Variants in GINS1 observed in about 807,000 individuals in gnomAD.
The protein encoded by GINS1 is GINS complex subunit 1.
GINS1 carries 26 observed loss-of-function variants against 34.9 expected under a neutral mutation model. That is an observed-to-expected ratio of 0.74 (90% CI 0.55 to 1.03). The LOEUF is 1.03. Ranked by LOEUF, GINS1 falls within the 50% of genes least tolerant of loss-of-function variation. The pLI is 0.00. For missense variants in GINS1, 235 were observed against 237.9 expected (o/e 0.99, Z 0.08); for synonymous variants, 97 against 84.4 (o/e 1.15, Z -0.82).
intron 5 of GINS1, among the ~76,000 whole-genome samples, chr20:25,434,188 G>A (rs1256750999): frequency 6.6e-6 from 1 of 152,028 alleles, no homozygotes; most frequent in East Asian, 1.9e-4. Context: ...GGAGGCTGAG[G>A]CAGGAGAATC....
intron 1 of GINS1, among the ~76,000 whole-genome samples, chr20:25,413,056 A>ATTTTTTTTTTTTTTTTTTTTTT (rs753937496): frequency 2.2e-5 from 3 of 135,956 alleles, no homozygotes; most frequent in African/African-American, 2.7e-5. Flanking sequence ...TCAGTAGTTC[A>ATTTTTTTTTTTTTTTTTTTTTT]TTTTTTTTTT....
At position 25,407,711 on chromosome 20, in the gene GINS1, G is replaced by T. The variant is rs573780748; in HGVS notation, c.-110G>T. On this transcript the variant is annotated 5_prime_UTR_variant, in exon 1 of 7. Coordinates refer to ENST00000262460, the MANE Select transcript of GINS1 (RefSeq NM_021067.5). ...GCGCGGAGCGGAGGCCGAGGCGAGA[G>T]CCTGGCGCTGTAGGACTAGAACGAA... 1.1e-4 allele frequency: 93 copies of T among 850,512 alleles called. No individual in the cohort carries two copies. The highest frequency in any genetic ancestry group is 1.2e-4 in the South Asian group (8 of 67,646). 52.7% of individuals were successfully genotyped at this position (850,512 alleles called of 1,614,324 possible).
chr20:25,413,152 G>C (rs911895769), intron 1 of GINS1, among the ~76,000 whole-genome samples: 11 of 151,666 alleles, frequency 7.3e-5, no homozygotes, highest in African/African-American at 2.7e-4. Flanking sequence ...CCGGGTTCAA[G>C]CGATTTCCCC....
intron 1 of GINS1, among the ~76,000 whole-genome samples, chr20:25,412,558 A>C (rs999255436): frequency 6.6e-6 from 1 of 152,224 alleles, no homozygotes; most frequent in Admixed American, 6.5e-5. Flanking sequence ...CCATCTAAAA[A>C]AAAAGACCAT....
chr20:25,425,344 A>G lies in GINS1; in HGVS notation c.447+17A>G. 9.9e-7 allele frequency: 1 copy of G among 1,012,294 alleles called. No homozygotes were observed. The highest frequency in any genetic ancestry group is 1.5e-6 in the Non-Finnish European group (1 of 646,898). 62.7% of individuals were successfully genotyped at this position (1,012,294 alleles called of 1,614,324 possible). A position where few individuals can be genotyped will look rare whatever the true frequency, so the allele number is the denominator to read the frequency against. On this transcript the variant is annotated intron_variant, in intron 5 of 6. Transcript: ENST00000262460. ...TATATTGAAGTATGTATATCTTTTT[A>G]AAATGCATTTTTCTTTAATGTGTAA...
In GINS1 at chr20:25,446,599, T is replaced by A. The variant is rs1285206321; in HGVS notation, c.*608T>A. On this transcript the variant is annotated 3_prime_UTR_variant, in exon 7 of 7. Coordinates refer to ENST00000262460, the MANE Select transcript of GINS1 (RefSeq NM_021067.5). ...GGTCTGTAGAAATTTTCAGTATATA[T>A]AATGTTTAATGACATACTAATTTAT... 1 of 152,224 alleles carries A rather than the reference T, an allele frequency of 6.6e-6. No homozygotes were observed. Among genetic ancestry groups the A allele is most frequent in the Non-Finnish European group, 1.5e-5 (1 of 68,054 alleles). 9.4% of individuals were successfully genotyped at this position (152,224 alleles called of 1,614,324 possible).
chr20:25,409,105 GCA>G, intron 1 of GINS1: 3 of 869,636 alleles, frequency 3.4e-6, no homozygotes, highest in Non-Finnish European at 4.1e-6. Context: ...GGATGCTGCA[GCA>G]CAAAGTCACG....
chr20:25,433,054 T>G (rs904977757), intron 5 of GINS1, among the ~76,000 whole-genome samples: 2 of 152,066 alleles, frequency 1.3e-5, no homozygotes, highest in East Asian at 3.8e-4. Context: ...CTATTAATGT[T>G]TGTGTCTTTG....
At position 25,447,675 on chromosome 20, in the gene GINS1, G is replaced by A. The variant is rs6037121; in HGVS notation, c.*1684G>A. On this transcript the variant is annotated 3_prime_UTR_variant, in exon 7 of 7. Transcript: ENST00000262460. ...TTTTTTGTAGAGATGGGGTTTCACC[G>A]TGTTGGCCAGGCTGTGTTGAACTCC... The A allele has an allele frequency of 0.46, 69,918 of 152,000 alleles. 16,648 individuals carry two copies. Among genetic ancestry groups the A allele is most frequent in the East Asian group, 0.92 (4,756 of 5,182 alleles). 9.4% of individuals were successfully genotyped at this position (152,000 alleles called of 1,614,324 possible). A position where few individuals can be genotyped will look rare whatever the true frequency, so the allele number is the denominator to read the frequency against.
rs762742046 is a variant in GINS1 at position 25,418,132 on chromosome 20, A to G, written c.267A>G (p.Ala89=). 1.9e-6 allele frequency: 3 copies of G among 1,603,246 alleles called. No homozygotes were observed. Among genetic ancestry groups the G allele is most frequent in the Admixed American group, 1.7e-5 (1 of 60,004 alleles). Residue 89 remains alanine, a synonymous_variant, in exon 4 of 7, where the codon GCA becomes GCG. Coordinates refer to ENST00000262460, the MANE Select transcript of GINS1 (RefSeq NM_021067.5). The part of the protein sequence containing the change: ...YLYDRLLRIR[A]LRWEYGSVLP... The stretch of plus-strand genomic sequence containing the variant: ...ATGACCGCTTGCTTCGGATCAGAGC[A>G]CTCAGATGGGAATATGGTAGCGTCT...
chr20:25,432,869 C>T (rs2090435051), intron 5 of GINS1, among the ~76,000 whole-genome samples: 1 of 148,164 alleles, frequency 6.7e-6, no homozygotes, highest in African/African-American at 2.5e-5. Flanking sequence ...TATATATTAA[C>T]TTATATAATA....
chr20:25,441,704 C>A lies in GINS1; in HGVS notation c.450C>A (p.Val150=). 1.3e-6 allele frequency: 2 copies of A among 1,512,722 alleles called. No individual in the cohort carries two copies. Among genetic ancestry groups the A allele is most frequent in the Non-Finnish European group, 1.8e-6 (2 of 1,105,042 alleles). 93.7% of individuals were successfully genotyped at this position (1,512,722 alleles called of 1,614,324 possible). A position where few individuals can be genotyped will look rare whatever the true frequency, so the allele number is the denominator to read the frequency against. The part of the protein sequence containing the change: ...MKPPKSLYIE[V]RCLKDYGEFE... ...ACATCTCTCATTTTTTCTTTCAGGT[C>A]CGGTGTCTAAAAGACTATGGAGAAT... Residue 150 remains valine (V), a splice_region_variant and synonymous_variant, in exon 6 of 7, where the codon GTC becomes GTA. Transcript: ENST00000262460.
intron 1 of GINS1, chr20:25,411,229 C>T (rs1421277915): frequency 6.6e-6 from 1 of 152,144 alleles, no homozygotes. Flanking sequence ...GAACTGTGGT[C>T]ACGCTATTAC....
Position 25,407,874 on chromosome 20 carries a change from A to AG in GINS1, c.57dup (p.Gln20AlafsTer22). The AG allele has an allele frequency of 6.2e-7, 1 of 1,613,696 alleles. No individual in the cohort carries two copies. The highest frequency in any genetic ancestry group is 8.5e-7 in the Non-Finnish European group (1 of 1,179,698). Reference sequence around the variant, plus strand: ...TCCGCGAGCTGCATCGCGCGCCCGAAGGGCAACTGCCTGCCTTCAACGTGA... The same window carrying AG: ...TCCGCGAGCTGCATCGCGCGCCCGAAGGGGCAACTGCCTGCCTTCAACGTGA... On this transcript the variant is annotated frameshift_variant, in exon 1 of 7. Transcript: ENST00000262460. LOFTEE classifies it high-confidence loss of function.
intron 1 of GINS1, chr20:25,408,798 C>G (rs991823517): frequency 3.1e-5 from 12 of 385,232 alleles, no homozygotes; most frequent in Middle Eastern, 1.3e-3. Context: ...GGTGACACAG[C>G]AAGAAAGCTA....
At chr20:25,413,758 A>C (rs1275755767) in intron 1 of GINS1, 32 bp from the exon 2 acceptor site, 2 of 1,219,208 alleles carry the variant, frequency 1.6e-6, no homozygotes, top group African/African-American at 3.0e-5. Context: ...TGGGGAAATC[A>C]GTGGATTTCA....
At chr20:25,432,232 A>T (rs1285039332) in intron 5 of GINS1, among the ~76,000 whole-genome samples, 2 of 152,032 alleles carry the variant, frequency 1.3e-5, no homozygotes, top group African/African-American at 2.4e-5. Flanking sequence ...ATTTCTCAGT[A>T]CTGCTTTTGC....
chr20:25,426,195 T>C (rs2090389695), intron 5 of GINS1, among the ~76,000 whole-genome samples: 1 of 152,216 alleles, frequency 6.6e-6, no homozygotes, highest in Non-Finnish European at 1.5e-5. Context: ...TTATTTGTCT[T>C]TTTGTGACTG....
chr20:25,425,222 T>G lies in GINS1; in HGVS notation c.342T>G (p.Phe114Leu), dbSNP rs1417231922. 6.9e-7 allele frequency: 1 copy of G among 1,440,852 alleles called. No homozygotes were observed. The allele number at this position is 1,440,852 out of a possible 1,614,324, so 89.3% of individuals were successfully genotyped here. The change falls in exon 5 of 7, where the codon TTT (phenylalanine) becomes TTG (leucine). Residue 114 changes from phenylalanine (F) to leucine (L), a missense_variant. Phe to Leu is a conservative substitution (Grantham distance 22, BLOSUM62 0). Transcript: ENST00000262460. ...CTCTATGTTTGCAGATGGAGTGGTT[T>G]AATAATTATAAAAGATCTCTTGCTA... The part of the protein sequence containing the change: ...FHMAAEEMEW[F>L]NNYKRSLATY...
Sources: allele counts gnomAD v4.1 joint callset (sites outside exome capture counted in the v4.1 genomes callset), GRCh38; gene constraint gnomAD v4.1.1; transcripts MANE v1.5; gene names NCBI Gene and HGNC (gene_info 2026-07-23, HGNC 2026-07-21).